The following SBF2 variants were observed in gnomAD, a reference collection of about 807,000 sequenced individuals.
The protein encoded by SBF2 is SET binding factor 2.
In SBF2, 112 loss-of-function variants were observed where a neutral mutation model predicts 225.2. That is an observed-to-expected ratio of 0.50 (90% CI 0.43 to 0.58). SBF2 has a LOEUF of 0.58. Ranked by LOEUF, SBF2 falls within the 20% of genes least tolerant of loss-of-function variation. The pLI is 0.00. For missense variants in SBF2, 1,996 were observed against 2,206.2 expected, an observed-to-expected ratio of 0.90 and a Z score of 1.91; for synonymous variants, 763 against 773.3, an observed-to-expected ratio of 0.99 and a Z score of 0.22.
chr11:10,019,926 T>A (rs1037684296), intron 6 of SBF2, among the ~76,000 whole-genome samples: 1 of 152,204 alleles, frequency 6.6e-6, no homozygotes, highest in Non-Finnish European at 1.5e-5. Context: ...CATCTTTTCA[T>A]CTTTATGTTT....
chr11:10,080,398 T>C (rs1439211323), intron 2 of SBF2, among the ~76,000 whole-genome samples: 1 of 151,882 alleles, frequency 6.6e-6, no homozygotes, highest in Non-Finnish European at 1.5e-5. Context: ...AAGAAGTTTT[T>C]AACATGGAAA....
At chr11:10,238,122 T>C (rs1400477837) in intron 1 of SBF2, among the ~76,000 whole-genome samples, 2 of 152,188 alleles carry the variant, frequency 1.3e-5, no homozygotes, top group Non-Finnish European at 2.9e-5. Flanking sequence ...AAATATAACA[T>C]GGAGGCTGGT....
intron 35 of SBF2, among the ~76,000 whole-genome samples, 181 bp downstream of exon 35, chr11:9,788,928 C>A (rs370897889): frequency 6.6e-6 from 1 of 152,130 alleles, no homozygotes; most frequent in Admixed American, 6.5e-5. Flanking sequence ...TATTGAGACT[C>A]TTTTCCAGTA....
At chr11:10,110,621 T>C (rs1952792671) in intron 2 of SBF2, among the ~76,000 whole-genome samples, 1 of 152,156 alleles carries the variant, frequency 6.6e-6, no homozygotes, top group African/African-American at 2.4e-5. Flanking sequence ...TACTTTAAAA[T>C]ACCAATGACA....
chr11:10,026,682 T>G (rs1297450510), intron 6 of SBF2, among the ~76,000 whole-genome samples: 1 of 152,152 alleles, frequency 6.6e-6, no homozygotes, highest in Non-Finnish European at 1.5e-5. Context: ...GGGGCTGTAG[T>G]AAGCTGTGTT....
intron 3 of SBF2, among the ~76,000 whole-genome samples, chr11:10,041,877 G>A (rs1159720007): frequency 1.3e-5 from 2 of 150,078 alleles, no homozygotes; most frequent in South Asian, 4.2e-4. Flanking sequence ...TCCCCTTTAT[G>A]GTTTCCTTCT....
intron 1 of SBF2, among the ~76,000 whole-genome samples, chr11:10,235,569 A>T (rs1316272462): frequency 6.6e-6 from 1 of 151,880 alleles, no homozygotes; most frequent in Admixed American, 6.6e-5. Flanking sequence ...GAGAACCTTG[A>T]CCAACACTAA....
chr11:10,227,032 T>C (rs933416734), intron 1 of SBF2, among the ~76,000 whole-genome samples: 3 of 152,212 alleles, frequency 2.0e-5, no homozygotes, highest in African/African-American at 7.2e-5. Flanking sequence ...TGGTGTGAGA[T>C]GGTATTTCAT....
chr11:10,076,902 G>T (rs1565203339), intron 2 of SBF2, among the ~76,000 whole-genome samples: 1 of 152,130 alleles, frequency 6.6e-6, no homozygotes, highest in African/African-American at 2.4e-5. Context: ...AGCCCCATTT[G>T]GCCTTGCCTC....
chr11:10,270,225 G>A (rs1357223921), intron 1 of SBF2, among the ~76,000 whole-genome samples: 2 of 152,016 alleles, frequency 1.3e-5, no homozygotes, highest in African/African-American at 2.4e-5. Context: ...CAACCCCTGT[G>A]CAGTCAAAAA....
chr11:9,958,061 A>G lies in SBF2; in HGVS notation c.1860+3896T>C, dbSNP rs539472716. The G allele has an allele frequency of 4.6e-5, 7 of 152,258 alleles. No homozygotes were observed. The East Asian group carries it at 1.4e-3, about 30-fold the overall frequency. The allele number at this position is 152,258 out of a possible 1,614,324, so 9.4% of individuals were successfully genotyped here. A position where few individuals can be genotyped will look rare whatever the true frequency, so the allele number is the denominator to read the frequency against. On this transcript the variant is annotated intron_variant, in intron 16 of 39. Transcript: ENST00000256190. ...AAAGGGAAATCCTAACCTAACCAGAATAAGTCAGGTCTTCCCCTCTCAGGT... is the reference window on the plus strand; with the variant it reads ...AAAGGGAAATCCTAACCTAACCAGAGTAAGTCAGGTCTTCCCCTCTCAGGT...
In SBF2 at chr11:10,084,809, T is replaced by C. The variant is rs112843716; in HGVS notation, c.142-41828A>G. On this transcript the variant is annotated intron_variant, in intron 2 of 39. Transcript: ENST00000256190. ...ACATGGATGGAACTGGAGGCTGTTA[T>C]CTTAAGTGAAATAACTCAGAAACAG... 1.7e-3 allele frequency among the ~76,000 whole-genome samples: 264 copies of C among 152,348 alleles called. 1 individual carries two copies. The highest frequency in any genetic ancestry group is 6.2e-3 in the African/African-American group (256 of 41,594).
chr11:10,157,290 T>C (rs367785492), intron 2 of SBF2, among the ~76,000 whole-genome samples: 44 of 152,222 alleles, frequency 2.9e-4, no homozygotes, highest in Middle Eastern at 6.8e-3. Context: ...AAGAGTTAAA[T>C]ACAAAACTCC....
At chr11:9,871,640 C>T (rs137860978) in intron 17 of SBF2, among the ~76,000 whole-genome samples, 291 of 151,900 alleles carry the variant, frequency 1.9e-3, no homozygotes, top group Middle Eastern at 3.4e-3. Context: ...TACAGGTGAC[C>T]GCCACCATGC....
chr11:9,855,723 T>TTC (rs1857268222), intron 19 of SBF2, among the ~76,000 whole-genome samples: 1 of 151,756 alleles, frequency 6.6e-6, no homozygotes, highest in Admixed American at 6.6e-5. Context: ...CAATGCAAAG[T>TTC]AGGAGAGGGA....
intron 1 of SBF2, among the ~76,000 whole-genome samples, chr11:10,194,633 C>G (rs954262016): frequency 6.6e-6 from 1 of 152,134 alleles, no homozygotes; most frequent in Non-Finnish European, 1.5e-5. Flanking sequence ...GGCTCAGCCT[C>G]CCGAGTAGCT....
chr11:10,014,729 A>G (rs895814255), intron 6 of SBF2, among the ~76,000 whole-genome samples: 4 of 151,920 alleles, frequency 2.6e-5, no homozygotes, highest in African/African-American at 7.3e-5. Context: ...CTTTCTTCTT[A>G]TCCTAATTGA....
At chr11:10,043,070 T>G in intron 2 of SBF2, 89 bp from the exon 3 acceptor site, 2 of 1,356,614 alleles carry the variant, frequency 1.5e-6, no homozygotes, top group Non-Finnish European at 2.0e-6. Flanking sequence ...TTGCCCATTT[T>G]AACAAATTCC....
At chr11:10,301,903 A>C (rs1964601893) in intron 1 of SBF2, among the ~76,000 whole-genome samples, 1 of 152,256 alleles carries the variant, frequency 6.6e-6, no homozygotes, top group South Asian at 2.1e-4. Flanking sequence ...CATTTATTAC[A>C]GTGGTTTGGA....
Sources: allele counts gnomAD v4.1 joint callset (sites outside exome capture counted in the v4.1 genomes callset), GRCh38; gene constraint gnomAD v4.1.1; transcripts MANE v1.5; gene names NCBI Gene and HGNC (gene_info 2026-07-23, HGNC 2026-07-21).